Variants in LRRC8C observed in about 807,000 individuals in gnomAD.
LRRC8C encodes volume-regulated anion channel subunit LRRC8C.
In LRRC8C, 20 loss-of-function variants were observed where a neutral mutation model predicts 55.3. The observed-to-expected ratio is 0.36, with a 90% CI of 0.25 to 0.53. LRRC8C has a LOEUF of 0.53. LRRC8C is among the 20% of genes least tolerant of loss of function. LRRC8C has a pLI of 0.92. For missense variants in LRRC8C, 659 were observed against 951.4 expected, an observed-to-expected ratio of 0.69 and a Z score of 4.04; for synonymous variants, 376 against 360.7, an observed-to-expected ratio of 1.04 and a Z score of -0.48.
At chr1:89,668,428 G>A (rs1035088666) in intron 1 of LRRC8C, 2 of 152,118 alleles carry the variant, frequency 1.3e-5, no homozygotes, top group African/African-American at 4.8e-5. Context: ...GGACAGAAGC[G>A]GAATCCTTTA....
chr1:89,636,176 G>A (rs1656276590), intron 1 of LRRC8C, among the ~76,000 whole-genome samples: 1 of 152,192 alleles, frequency 6.6e-6, no homozygotes, highest in Non-Finnish European at 1.5e-5. Flanking sequence ...GGATCACTGT[G>A]CAGATTACTT....
chr1:89,662,916 G>A (rs1657157545), intron 1 of LRRC8C, among the ~76,000 whole-genome samples: 1 of 152,060 alleles, frequency 6.6e-6, no homozygotes, highest in Non-Finnish European at 1.5e-5. Context: ...GTGCTTTGCT[G>A]TGCCCATCAA....
At chr1:89,701,686 T>G (rs1366258361) in intron 2 of LRRC8C, among the ~76,000 whole-genome samples, 1 of 152,194 alleles carries the variant, frequency 6.6e-6, no homozygotes, top group African/African-American at 2.4e-5. Context: ...CGACTAATTT[T>G]TGTATTATGA....
chr1:89,701,447 C>T (rs1658320199), intron 2 of LRRC8C, among the ~76,000 whole-genome samples: 1 of 150,042 alleles, frequency 6.7e-6, no homozygotes, highest in Non-Finnish European at 1.5e-5. Flanking sequence ...CTGCACTCCA[C>T]TCCAGCCTGG....
intron 2 of LRRC8C, among the ~76,000 whole-genome samples, chr1:89,693,547 A>C (rs974977696): frequency 1.3e-5 from 2 of 151,830 alleles, no homozygotes; most frequent in Non-Finnish European, 2.9e-5. Context: ...AATCAGTAAT[A>C]CTGATTACAT....
At chr1:89,641,560 T>G (rs1196338946) in intron 1 of LRRC8C, among the ~76,000 whole-genome samples, 1 of 152,222 alleles carries the variant, frequency 6.6e-6, no homozygotes, top group African/African-American at 2.4e-5. Context: ...TAGAAACTTT[T>G]TTTTTTAATA....
chr1:89,713,316 G>A lies in LRRC8C; in HGVS notation c.746G>A (p.Arg249Lys). The A allele has an allele frequency of 6.2e-7, 1 of 1,614,200 alleles. No homozygotes were observed. Reference sequence around the variant, plus strand: ...TTATTTGAGAAGGTGAAGAAGTTCAGGCTGCATGTGGAAGAAGGTGATATT... The same window carrying A: ...TTATTTGAGAAGGTGAAGAAGTTCAAGCTGCATGTGGAAGAAGGTGATATT... ...KALFEKVKKF[R>K]LHVEEGDILY... Residue 249 changes from arginine (R) to lysine (K), a missense_variant, in exon 3 of 3, where the codon AGG (arginine) becomes AAG (lysine). Coordinates refer to ENST00000370454, the MANE Select transcript of LRRC8C (RefSeq NM_032270.5). The surrounding 1 kb of genome is among the most constrained non-coding windows in gnomAD (Gnocchi z 5.2).
Position 89,712,750 on chromosome 1 carries a change from G to T in LRRC8C, c.180G>T (p.Gln60His). 1 of 1,614,136 alleles carries T rather than the reference G, an allele frequency of 6.2e-7. No individual in the cohort carries two copies. Among genetic ancestry groups the T allele is most frequent in the Non-Finnish European group, 8.5e-7 (1 of 1,180,036 alleles). ...DKIICLPKRV[Q>H]PAQNHSSLSN... ...TAATCTGCCTTCCGAAAAGAGTGCAGCCTGCTCAGAACCACTCTTCCCTTT... is the reference window on the plus strand; with the variant it reads ...TAATCTGCCTTCCGAAAAGAGTGCATCCTGCTCAGAACCACTCTTCCCTTT... The change falls in exon 3 of 3, where the codon CAG (glutamine) becomes CAT (histidine). Residue 60 changes from glutamine to histidine, a missense_variant. Gln to His is a conservative substitution (Grantham distance 24). Coordinates refer to ENST00000370454, the MANE Select transcript of LRRC8C (RefSeq NM_032270.5).
intron 2 of LRRC8C, among the ~76,000 whole-genome samples, chr1:89,693,679 A>C (rs1411378162): frequency 1.2e-5 from 1 of 85,152 alleles, no homozygotes; most frequent in African/African-American, 5.5e-5. Context: ...TTTTTTTGAG[A>C]CAGAGTCTCA....
chr1:89,687,417 G>C (rs1180070857), intron 2 of LRRC8C, among the ~76,000 whole-genome samples: 1 of 152,190 alleles, frequency 6.6e-6, no homozygotes, highest in Admixed American at 6.5e-5. Flanking sequence ...AAAGCTCTGA[G>C]TCATGGATGT....
rs182780420 is a variant in LRRC8C, at chr1:89,704,117, A to T, written c.139-8592A>T. On this transcript the variant is annotated intron_variant, in intron 2 of 2. Coordinates refer to ENST00000370454, the MANE Select transcript of LRRC8C (RefSeq NM_032270.5). ...TATATATTTGAGTTTTCTAATATGC[A>T]CAGGTTCTTGTAACCACCACTACAA... 3.8e-3 allele frequency among the ~76,000 whole-genome samples: 573 copies of T among 152,236 alleles called. 12 individuals are homozygous for T. Among genetic ancestry groups the T allele is most frequent in the Admixed American group, 0.027 (417 of 15,288 alleles).
At chr1:89,620,075 G>A in the LRRC8C span, among the ~76,000 whole-genome samples, 4 of 152,214 alleles carry the variant, frequency 2.6e-5, no homozygotes, top group East Asian at 7.7e-4. Flanking sequence ...TTCGGGTCAA[G>A]TCACCAGCAG....
At chr1:89,638,338 C>G (rs2101175554) in intron 1 of LRRC8C, among the ~76,000 whole-genome samples, 1 of 152,256 alleles carries the variant, frequency 6.6e-6, no homozygotes, top group African/African-American at 2.4e-5. Flanking sequence ...AATCTGTGAA[C>G]CTTTTTTCCA....
rs376430656 is a variant in LRRC8C at position 89,716,302 on chromosome 1, A to G, written c.*1320A>G. ...GGTGTTCGAGGGCATCCTGGAATCA[A>G]TTCCCCATGATACCGAGGGATGACT... is the stretch of plus-strand genomic sequence containing the variant. On this transcript the variant is annotated 3_prime_UTR_variant, in exon 3 of 3. Coordinates refer to ENST00000370454, the MANE Select transcript of LRRC8C (RefSeq NM_032270.5). The G allele has an allele frequency of 6.6e-6, 1 of 152,164 alleles. No homozygotes were observed. Among genetic ancestry groups the G allele is most frequent in the East Asian group, 1.9e-4 (1 of 5,196 alleles). The allele number at this position is 152,164 out of a possible 1,614,324, so 9.4% of individuals were successfully genotyped here.
rs1292907730 is a variant in LRRC8C, at chr1:89,659,060, TTTGTGTG to T, written c.-5+25740_-5+25746del. The stretch of plus-strand genomic sequence containing the variant: ...GTGTCTTCTCCAGGTTTTTTTTTTT[TTTGTGTG>T]TGTGTGTGTGTGTGTGTGTGTGTGT... On this transcript the variant is annotated intron_variant, in intron 1 of 2. Coordinates refer to ENST00000370454, the MANE Select transcript of LRRC8C (RefSeq NM_032270.5). Among the ~76,000 whole-genome samples the T allele has an allele frequency of 3.7e-5, 2 of 54,018 alleles. 1 individual carries two copies. Among genetic ancestry groups the T allele is most frequent in the African/African-American group, 1.3e-4 (2 of 15,534 alleles). 35.4% of individuals were successfully genotyped at this position (54,018 alleles called of 152,430 possible).
chr1:89,677,790 T>C (rs1331276005), intron 1 of LRRC8C, among the ~76,000 whole-genome samples: 1 of 152,252 alleles, frequency 6.6e-6, no homozygotes, highest in Non-Finnish European at 1.5e-5. Flanking sequence ...ATAATTATGT[T>C]CTGCTTCAGT....
At chr1:89,680,239 G>A (rs574662513) in intron 1 of LRRC8C, among the ~76,000 whole-genome samples, 5 of 151,960 alleles carry the variant, frequency 3.3e-5, no homozygotes, top group Admixed American at 6.5e-5. Context: ...CACTACGCCC[G>A]GCTAATTTTT....
At position 89,713,516 on chromosome 1, in the gene LRRC8C, T is replaced by G; in HGVS notation, c.946T>G (p.Phe316Val). 6.2e-7 allele frequency: 1 copy of G among 1,614,164 alleles called. No homozygotes were observed. The highest frequency in any genetic ancestry group is 8.5e-7 in the Non-Finnish European group (1 of 1,180,028). The change falls in exon 3 of 3, where the codon TTC (phenylalanine) becomes GTC (valine). Residue 316 changes from phenylalanine (F) to valine (V), a missense_variant. This residue lies in a region of LRRC8C where 200 missense variants were observed against 360.5 expected (regional missense o/e 0.55). Coordinates refer to ENST00000370454, the MANE Select transcript of LRRC8C (RefSeq NM_032270.5). The surrounding 1 kb of genome is among the most constrained non-coding windows in gnomAD (Gnocchi z 5.2). ...FSCNHTMAHL[F>V]SKLSFCYLCF... ...TTGCAATCATACCATGGCACACTTGTTCTCAAAACTGTCCTTTTGCTATCT... is the reference window on the plus strand; with the variant it reads ...TTGCAATCATACCATGGCACACTTGGTCTCAAAACTGTCCTTTTGCTATCT...
chr1:89,692,816 A>G (rs1216145346), intron 2 of LRRC8C, among the ~76,000 whole-genome samples: 1 of 152,202 alleles, frequency 6.6e-6, no homozygotes, highest in East Asian at 1.9e-4. Flanking sequence ...TCAAAAACTC[A>G]ACACATTCAA....
Sources: allele counts gnomAD v4.1 joint callset (sites outside exome capture counted in the v4.1 genomes callset), GRCh38; gene constraint gnomAD v4.1.1; regional missense constraint gnomAD v4.1.1; non-coding constraint Gnocchi (gnomAD v3.1); transcripts MANE v1.5; gene names NCBI Gene and HGNC (gene_info 2026-07-23, HGNC 2026-07-21).